The following TSPAN19 variants were observed in gnomAD, a reference collection of about 807,000 sequenced individuals.
TSPAN19 encodes the protein tetraspanin 19, also known as tetraspanin-19.
In TSPAN19, 44 loss-of-function variants were observed where a neutral mutation model predicts 35.1. The observed-to-expected ratio is 1.25, with a 90% CI of 0.98 to 1.61. The LOEUF is 1.61. TSPAN19 is among the 40% of genes most tolerant of loss of function. The pLI is 0.00. For synonymous variants in TSPAN19, 79 were observed against 92.0 expected (o/e 0.86, Z 0.81); for missense variants, 290 against 280.0 (o/e 1.04, Z -0.26).
At chr12:85,030,735 C>A (rs1016337997) in intron 1 of TSPAN19, among the ~76,000 whole-genome samples, 1 of 151,942 alleles carries the variant, frequency 6.6e-6, no homozygotes, top group Non-Finnish European at 1.5e-5. Context: ...ACTTATTTTC[C>A]AGGTAGTCAA....
rs916876786 is a variant in TSPAN19 at position 85,015,975 on chromosome 12, A to G, written c.595-4T>C. 1 of 1,511,288 alleles carries G rather than the reference A, an allele frequency of 6.6e-7. No homozygotes were observed. Among genetic ancestry groups the G allele is most frequent in the Non-Finnish European group, 8.9e-7 (1 of 1,119,904 alleles). The allele number at this position is 1,511,288 out of a possible 1,614,324, so 93.6% of individuals were successfully genotyped here. A position where few individuals can be genotyped will look rare whatever the true frequency, so the allele number is the denominator to read the frequency against. The stretch of plus-strand genomic sequence containing the variant: ...CACTGATTTTATTTTCACAACCCTA[A>G]GAAAAAGAAGTTATTCAGATGGACA... On this transcript the variant is annotated splice_region_variant and splice_polypyrimidine_tract_variant and intron_variant, in intron 7 of 8. Coordinates refer to ENST00000532498, the MANE Select transcript of TSPAN19 (RefSeq NM_001100917.2).
At chr12:85,026,712 T>C (rs778244727) in intron 4 of TSPAN19, among the ~76,000 whole-genome samples, 1 of 152,128 alleles carries the variant, frequency 6.6e-6, no homozygotes, top group Non-Finnish European at 1.5e-5. Flanking sequence ...ACTGGTTATT[T>C]ACCAATATTT....
chr12:85,025,959 G>A (rs770644362), intron 4 of TSPAN19, among the ~76,000 whole-genome samples: 1 of 152,138 alleles, frequency 6.6e-6, no homozygotes, highest in African/African-American at 2.4e-5. Context: ...GTGTCACAAT[G>A]GCCAAATTAG....
intron 5 of TSPAN19, among the ~76,000 whole-genome samples, chr12:85,020,670 A>T (rs1877072110): frequency 6.6e-6 from 1 of 152,032 alleles, no homozygotes; most frequent in Non-Finnish European, 1.5e-5. Flanking sequence ...TCCTCATTCC[A>T]GAGGGGTCCT....
At chr12:85,033,484 G>C (rs960503377) in intron 1 of TSPAN19, among the ~76,000 whole-genome samples, 3 of 152,032 alleles carry the variant, frequency 2.0e-5, no homozygotes, top group Admixed American at 6.6e-5. Flanking sequence ...CAATATGAGA[G>C]ATGTAGTAGG....
intron 4 of TSPAN19, among the ~76,000 whole-genome samples, chr12:85,025,455 A>T (rs796282035): frequency 1.3e-4 from 20 of 151,098 alleles, no homozygotes; most frequent in Non-Finnish European, 2.4e-4. Context: ...AACAATTTTT[A>T]AAATTACTGG....
At chr12:85,022,301 G>A (rs1228279096) in intron 5 of TSPAN19, among the ~76,000 whole-genome samples, 1 of 152,058 alleles carries the variant, frequency 6.6e-6, no homozygotes, top group East Asian at 1.9e-4. Context: ...TTAACAGTAG[G>A]CACTGGATGA....
chr12:85,020,722 C>A (rs1877076386), intron 5 of TSPAN19, among the ~76,000 whole-genome samples: 1 of 152,012 alleles, frequency 6.6e-6, no homozygotes. Flanking sequence ...ACAGACAAGC[C>A]TTGCTAAATT....
At chr12:85,024,791 AG>A (rs1877312778) in intron 4 of TSPAN19, 1 of 151,724 alleles carries the variant, frequency 6.6e-6, no homozygotes, top group Non-Finnish European at 1.5e-5. Context: ...AAAAAAAAAA[AG>A]ATTTAGAATT....
Position 85,014,389 on chromosome 12 carries a change from G to T in TSPAN19, c.*98C>A, listed in dbSNP as rs1288076919. The stretch of plus-strand genomic sequence containing the variant: ...TATAATTAATAATTTGAATACATCT[G>T]TTATTTAATACAATTCAAAACGTTT... On this transcript the variant is annotated 3_prime_UTR_variant, in exon 9 of 9. Coordinates refer to ENST00000532498, the MANE Select transcript of TSPAN19 (RefSeq NM_001100917.2). 4 of 749,278 alleles carry T rather than the reference G, an allele frequency of 5.3e-6. No individual in the cohort carries two copies. The highest frequency in any genetic ancestry group is 6.5e-6 in the Non-Finnish European group (3 of 464,692). The allele number at this position is 749,278 out of a possible 1,614,324, so 46.4% of individuals were successfully genotyped here.
chr12:85,027,972 C>A lies in TSPAN19; in HGVS notation c.191G>T (p.Gly64Val). Reference sequence around the variant, plus strand: ...TAGACAAAAAAGAACAGTAGAAGATCCCATTCCAATCAAAATTTGAGAAAT... The same window carrying A: ...TAGACAAAAAAGAACAGTAGAAGATACCATTCCAATCAAAATTTGAGAAAT... ...VPISQILIGMGSSTVLFCLLG... is the reference protein window; with the variant it reads ...VPISQILIGMVSSTVLFCLLG... The change falls in exon 4 of 9, where the codon GGA (glycine) becomes GTA (valine). Residue 64 changes from glycine (G) to valine (V), a missense_variant. Coordinates refer to ENST00000532498, the MANE Select transcript of TSPAN19 (RefSeq NM_001100917.2). The A allele has an allele frequency of 1.3e-6, 2 of 1,599,784 alleles. No individual in the cohort carries two copies. Among genetic ancestry groups the A allele is most frequent in the Non-Finnish European group, 1.7e-6 (2 of 1,172,150 alleles).
chr12:85,034,344 A>T lies in TSPAN19; in HGVS notation c.-28+1860T>A, dbSNP rs141769365. Among the ~76,000 whole-genome samples the T allele has an allele frequency of 3.3e-5, 5 of 152,270 alleles. No individual in the cohort carries two copies. The East Asian group carries it at 9.6e-4, about 29-fold the overall frequency. On this transcript the variant is annotated intron_variant, in intron 1 of 8. Transcript: ENST00000532498. ...TGAAAAATGCTCTTAAACTAAAATGATTTCACTACAACACATTTTCAAAGG... is the reference window on the plus strand; with the variant it reads ...TGAAAAATGCTCTTAAACTAAAATGTTTTCACTACAACACATTTTCAAAGG...
chr12:85,018,889 C>T (rs912174808), intron 6 of TSPAN19, among the ~76,000 whole-genome samples: 4 of 151,684 alleles, frequency 2.6e-5, no homozygotes, highest in African/African-American at 9.7e-5. Context: ...ATGCAAAGCA[C>T]TTACAAAAAA....
intron 4 of TSPAN19, among the ~76,000 whole-genome samples, chr12:85,025,340 T>C (rs1877347511): frequency 6.6e-6 from 1 of 152,008 alleles, no homozygotes; most frequent in South Asian, 2.1e-4. Flanking sequence ...TTCACCATGG[T>C]GGCCAGGCTG....
intron 3 of TSPAN19, among the ~76,000 whole-genome samples, chr12:85,029,166 C>T (rs1364232488): frequency 6.6e-6 from 1 of 152,048 alleles, no homozygotes; most frequent in Non-Finnish European, 1.5e-5. Flanking sequence ...TGCTCACTAC[C>T]ATATCCTCAG....
At chr12:85,032,805 G>T (rs954100161) in intron 1 of TSPAN19, among the ~76,000 whole-genome samples, 2 of 152,096 alleles carry the variant, frequency 1.3e-5, no homozygotes, top group African/African-American at 4.8e-5. Context: ...TATAAACAAA[G>T]AATTTGTTTC....
intron 1 of TSPAN19, among the ~76,000 whole-genome samples, chr12:85,033,343 AC>A (rs1425066364): frequency 4.6e-5 from 7 of 152,078 alleles, no homozygotes; most frequent in African/African-American, 1.4e-4. Flanking sequence ...TATATGCTTT[AC>A]TAAAGATTTT....
In TSPAN19 at chr12:85,024,985, TATGTTTC is replaced by T. The variant is rs145717787; in HGVS notation, c.265-1592_265-1586del. Among the ~76,000 whole-genome samples, 345 of 152,138 alleles carry T rather than the reference TATGTTTC, an allele frequency of 2.3e-3. 3 individuals carry two copies. Among genetic ancestry groups the T allele is most frequent in the African/African-American group, 7.8e-3 (325 of 41,508 alleles). On this transcript the variant is annotated intron_variant, in intron 4 of 8. Transcript: ENST00000532498. Reference sequence around the variant, plus strand: ...CCAAAATTTTCTTCTTGAGATAAGTTATGTTTCCTAGTTTCAGAGAAAAAAAAATTCA... The same window carrying T: ...CCAAAATTTTCTTCTTGAGATAAGTTCTAGTTTCAGAGAAAAAAAAATTCA...
chr12:85,019,815 A>G (rs1877026011), intron 5 of TSPAN19, 79 bp from the exon 6 acceptor site: 2 of 684,340 alleles, frequency 2.9e-6, no homozygotes, highest in Non-Finnish European at 2.5e-6. Context: ...TGGTTCCTCA[A>G]GAGTACCATC....
Sources: gnomAD v4.1 joint callset for allele counts (sites outside exome capture counted in the v4.1 genomes callset) on GRCh38, gnomAD v4.1.1 for gene constraint, MANE v1.5 for transcripts, NCBI Gene and HGNC (gene_info 2026-07-23, HGNC 2026-07-21) for gene names.